The following VTA1 variants were observed in gnomAD, a reference collection of about 807,000 sequenced individuals.
VTA1 encodes the protein vesicle trafficking 1, also known as vacuolar protein sorting-associated protein VTA1 homolog.
A neutral mutation model predicts 36.9 loss-of-function variants in VTA1; 24 were observed. The observed-to-expected ratio is 0.65, with a 90% CI of 0.47 to 0.91. VTA1 has a LOEUF of 0.91. Ranked by LOEUF, VTA1 falls within the 40% of genes least tolerant of loss-of-function variation. VTA1 has a pLI of 0.00. For synonymous variants in VTA1, 142 were observed against 130.2 expected, an observed-to-expected ratio of 1.09 and a Z score of -0.62; for missense variants, 393 against 377.2, an observed-to-expected ratio of 1.04 and a Z score of -0.35.
Position 142,213,091 on chromosome 6 carries a change from C to T in VTA1, c.779-5407C>T, listed in dbSNP as rs184823965. Among the ~76,000 whole-genome samples the T allele has an allele frequency of 6.6e-5, 10 of 152,276 alleles. No homozygotes were observed. In the East Asian group the frequency reaches 1.7e-3, roughly 26 times the overall value. ...CCCCTGAGACAAGGTAAGTCCTTTC[C>T]ACCTATGAGCCTGTAAAATCAAAAA... On this transcript the variant is annotated intron_variant, in intron 7 of 7. Transcript: ENST00000367630.
intron 1 of VTA1, among the ~76,000 whole-genome samples, chr6:142,150,719 C>T (rs1778551429): frequency 6.6e-6 from 1 of 152,130 alleles, no homozygotes; most frequent in African/African-American, 2.4e-5. Context: ...TCAAGACCAG[C>T]CTGACCAACA....
chr6:142,153,484 T>C (rs1049993108), intron 1 of VTA1, among the ~76,000 whole-genome samples: 3 of 152,172 alleles, frequency 2.0e-5, no homozygotes, highest in East Asian at 3.9e-4. Context: ...TTACACCTTG[T>C]GCCCTATCCT....
At chr6:142,164,459 T>C (rs1280445236) in intron 1 of VTA1, among the ~76,000 whole-genome samples, 1 of 152,112 alleles carries the variant, frequency 6.6e-6, no homozygotes, top group East Asian at 1.9e-4. Flanking sequence ...TAAATTAAAC[T>C]TCAAGCTCTG....
chr6:142,168,470 A>T (rs1002596801), intron 2 of VTA1, among the ~76,000 whole-genome samples: 1 of 151,990 alleles, frequency 6.6e-6, no homozygotes, highest in African/African-American at 2.4e-5. Context: ...TTTTTAATTA[A>T]CTAGTTTGAT....
rs755614374 is a variant in VTA1 at position 142,221,725 on chromosome 6, G to T, written c.*3082G>T. On this transcript the variant is annotated 3_prime_UTR_variant, in exon 8 of 8. Transcript: ENST00000367630. ...TCCCAGCACTTTGGGAGCCAAGGCA[G>T]GCGGATCATCTGAGGTCAGGAGTAT... The T allele has an allele frequency of 6.6e-6, 1 of 150,988 alleles. No homozygotes were observed. The highest frequency in any genetic ancestry group is 1.5e-5 in the Non-Finnish European group (1 of 67,796). The allele number at this position is 150,988 out of a possible 1,614,324, so 9.4% of individuals were successfully genotyped here. A position where few individuals can be genotyped will look rare whatever the true frequency, so the allele number is the denominator to read the frequency against.
Position 142,219,314 on chromosome 6 carries a change from A to G in VTA1, c.*671A>G, listed in dbSNP as rs1776060667. 6.6e-6 allele frequency: 1 copy of G among 152,246 alleles called. No homozygotes were observed. The highest frequency in any genetic ancestry group is 2.4e-5 in the African/African-American group (1 of 41,474). 9.4% of individuals were successfully genotyped at this position (152,246 alleles called of 1,614,324 possible). On this transcript the variant is annotated 3_prime_UTR_variant, in exon 8 of 8. Transcript: ENST00000367630. The stretch of plus-strand genomic sequence containing the variant: ...GCTTTACCTTATCTGTTAAAGCGTA[A>G]GATGAATTGGTATTTGCTTCATAGG...
At chr6:142,198,718 A>ACCAT in intron 6 of VTA1, 103 bp downstream of exon 6, 1 of 1,145,428 alleles carries the variant, frequency 8.7e-7, no homozygotes, top group Non-Finnish European at 1.2e-6. Context: ...TGAAAACATG[A>ACCAT]CAAGTTCCTT....
chr6:142,157,983 G>A (rs1167292910), intron 1 of VTA1, among the ~76,000 whole-genome samples: 3 of 143,084 alleles, frequency 2.1e-5, no homozygotes, highest in African/African-American at 7.7e-5. Context: ...GGATATTGCT[G>A]TTTTAAATGG....
chr6:142,154,901 AC>A (rs999553287), intron 1 of VTA1, among the ~76,000 whole-genome samples: 1 of 151,898 alleles, frequency 6.6e-6, no homozygotes, highest in African/African-American at 2.4e-5. Context: ...TGAGAAAATT[AC>A]TCCTTTTCCT....
rs1470741371 is a variant in VTA1 at position 142,224,527 on chromosome 6, C to T, written c.*5884C>T. ...TTTATTTATTTACATGTGTCTCCCTCATTAGATGCTAAGTTCCTTGATATT... is the reference window on the plus strand; with the variant it reads ...TTTATTTATTTACATGTGTCTCCCTTATTAGATGCTAAGTTCCTTGATATT... On this transcript the variant is annotated 3_prime_UTR_variant, in exon 8 of 8. Coordinates refer to ENST00000367630, the MANE Select transcript of VTA1 (RefSeq NM_016485.5). 6.6e-6 allele frequency: 1 copy of T among 152,160 alleles called. No individual in the cohort carries two copies. The highest frequency in any genetic ancestry group is 1.5e-5 in the Non-Finnish European group (1 of 68,032). The allele number at this position is 152,160 out of a possible 1,614,324, so 9.4% of individuals were successfully genotyped here.
chr6:142,166,690 C>T (rs1251799159), intron 2 of VTA1, among the ~76,000 whole-genome samples: 3 of 151,820 alleles, frequency 2.0e-5, no homozygotes, highest in Admixed American at 6.6e-5. Context: ...CGTGATCTCT[C>T]GGCTTGCTGC....
intron 4 of VTA1, among the ~76,000 whole-genome samples, chr6:142,176,949 T>C (rs759016997): frequency 1.9e-4 from 29 of 152,232 alleles, no homozygotes; most frequent in South Asian, 1.2e-3. Flanking sequence ...AGGTGGTCTG[T>C]TTAAGGGTAT....
intron 6 of VTA1, among the ~76,000 whole-genome samples, chr6:142,200,949 A>C (rs912698263): frequency 2.6e-5 from 4 of 152,098 alleles, no homozygotes; most frequent in Non-Finnish European, 5.9e-5. Context: ...TCTTTAACTT[A>C]CAAACTCTCA....
At chr6:142,200,806 A>T (rs1032190665) in intron 6 of VTA1, among the ~76,000 whole-genome samples, 3 of 151,972 alleles carry the variant, frequency 2.0e-5, no homozygotes, top group Non-Finnish European at 2.9e-5. Flanking sequence ...GGAAGAATAA[A>T]ACTAAAAAAC....
At chr6:142,161,018 C>T (rs535563087) in intron 1 of VTA1, among the ~76,000 whole-genome samples, 90 of 148,782 alleles carry the variant, frequency 6.0e-4, no homozygotes, top group African/African-American at 2.2e-3. Context: ...ATTTATTTAA[C>T]GAAGGGATGA....
At chr6:142,181,817 C>T (rs1775246818) in intron 4 of VTA1, among the ~76,000 whole-genome samples, 2 of 151,972 alleles carry the variant, frequency 1.3e-5, no homozygotes, top group South Asian at 4.1e-4. Flanking sequence ...TAGTTTTACT[C>T]TCCCTTTTAA....
chr6:142,186,668 AAAG>A (rs1334807239), intron 4 of VTA1, among the ~76,000 whole-genome samples: 1 of 152,186 alleles, frequency 6.6e-6, no homozygotes, highest in African/African-American at 2.4e-5. Flanking sequence ...AGGGGGATCA[AAAG>A]AACAGTTTTA....
intron 4 of VTA1, among the ~76,000 whole-genome samples, chr6:142,171,947 T>C (rs2114647458): frequency 6.6e-6 from 1 of 152,308 alleles, no homozygotes; most frequent in South Asian, 2.1e-4. Context: ...GCTTGATGAG[T>C]ATAAGCAGGG....
chr6:142,189,363 T>C, intron 4 of VTA1, 63 bp from the exon 5 acceptor site: 1 of 1,359,776 alleles, frequency 7.4e-7, no homozygotes, highest in Non-Finnish European at 1.0e-6. Context: ...TAGGTCATCA[T>C]AAATGTTTAC....
Sources: gnomAD v4.1 joint callset for allele counts (sites outside exome capture counted in the v4.1 genomes callset) on GRCh38, gnomAD v4.1.1 for gene constraint, MANE v1.5 for transcripts, NCBI Gene and HGNC (gene_info 2026-07-23, HGNC 2026-07-21) for gene names.